FAT1: variants seen among roughly 807,000 people sequenced by gnomAD.
FAT1 encodes FAT atypical cadherin 1, also known as protocadherin Fat 1.
Under a neutral mutation model 329.8 loss-of-function variants are expected in FAT1, and 171 were observed. The ratio of observed to expected loss-of-function variants is 0.52; its 90% CI spans 0.46 to 0.59. FAT1 has a LOEUF of 0.59. FAT1 is among the 20% of genes least tolerant of loss of function. The probability of loss-of-function intolerance (pLI) is 0.00; values close to 1 mark genes in which losing one functional copy is unlikely to be tolerated. For synonymous variants in FAT1, 2,233 were observed against 2,228.6 expected (o/e 1.00, Z -0.06); for missense variants, 5,672 against 5,774.4 (o/e 0.98, Z 0.57).
At chr4:186,719,693 G>A (rs1745377400) in intron 1 of FAT1, among the ~76,000 whole-genome samples, 1 of 152,216 alleles carries the variant, frequency 6.6e-6, no homozygotes, top group Non-Finnish European at 1.5e-5. Flanking sequence ...ATGTATTCGA[G>A]AAATTGAAGG....
rs116009473 is a variant in FAT1, at chr4:186,595,081, T to C, written c.13138+608A>G. ...ACCCTATAGGGAAACCAGATCAACA[T>C]AACTGGTGGCAAAGATCCCACTGTT... is the stretch of plus-strand genomic sequence containing the variant. On this transcript the variant is annotated intron_variant, in intron 26 of 26. Transcript: ENST00000441802. Among the ~76,000 whole-genome samples, 442 of 152,288 alleles carry C rather than the reference T, an allele frequency of 2.9e-3. 4 individuals are homozygous for C. Among genetic ancestry groups the C allele is most frequent in the African/African-American group, 0.01 (419 of 41,560 alleles).
intron 1 of FAT1, among the ~76,000 whole-genome samples, chr4:186,718,253 A>C (rs1304433568): frequency 6.6e-6 from 1 of 152,058 alleles, no homozygotes; most frequent in Non-Finnish European, 1.5e-5. Flanking sequence ...AAGAGATGCC[A>C]CCCACCCTAG....
chr4:186,604,546 A>AG lies in FAT1; in HGVS notation c.10378dup (p.Leu3460ProfsTer8). On this transcript the variant is annotated frameshift_variant, in exon 18 of 27. Coordinates refer to ENST00000441802, the MANE Select transcript of FAT1 (RefSeq NM_005245.4). LOFTEE classifies it high-confidence loss of function. Reference sequence around the variant, plus strand: ...ATCCTCATCTGTTACTACCAGCTGCAGCACGCTGAAGCCCACTGGCTTATT... The same window carrying AG: ...ATCCTCATCTGTTACTACCAGCTGCAGGCACGCTGAAGCCCACTGGCTTATT... 1 of 1,611,078 alleles carries AG rather than the reference A, an allele frequency of 6.2e-7. No individual in the cohort carries two copies. Among genetic ancestry groups the AG allele is most frequent in the Non-Finnish European group, 8.5e-7 (1 of 1,178,928 alleles).
rs201383097 is a variant in FAT1, at chr4:186,629,653, C to T, written c.4324-890G>A. On this transcript the variant is annotated intron_variant, in intron 7 of 26. Transcript: ENST00000441802. ...CCAAGCAGCACAGGGGGCCAGGGTC[C>T]CAGGCAGAGCGGTCAACCACATGGT... Among the ~76,000 whole-genome samples the T allele has an allele frequency of 1.3e-4, 20 of 152,190 alleles. No individual in the cohort carries two copies. The East Asian group carries it at 3.9e-3, about 29-fold the overall frequency.
chr4:186,643,403 A>C (rs1741192267), intron 3 of FAT1, among the ~76,000 whole-genome samples: 1 of 152,188 alleles, frequency 6.6e-6, no homozygotes, highest in South Asian at 2.1e-4. Context: ...TAAATTCACA[A>C]CACTTAGCAA....
rs752263241 is a variant in FAT1 at position 186,609,960 on chromosome 4, T to A, written c.9909A>T (p.Leu3303=). Residue 3303 remains leucine, a synonymous_variant, in exon 15 of 27, where the codon CTA becomes CTT. Coordinates refer to ENST00000441802, the MANE Select transcript of FAT1 (RefSeq NM_005245.4). The part of the protein sequence containing the change: ...LDYESSHEYY[L]TVEATDGGTP... ...TGCCTCCATCAGTGGCCTCTACTGT[T>A]AGGTAATACTCATGAGAGCTCTCAT... The A allele has an allele frequency of 6.8e-6, 11 of 1,613,626 alleles. No homozygotes were observed. In the South Asian group the frequency reaches 1.1e-4, roughly 16 times the overall value.
rs1010116749 is a variant in FAT1 at position 186,611,555 on chromosome 4, AG to A, written c.9683del (p.Pro3228LeufsTer42). The A allele has an allele frequency of 6.2e-7, 1 of 1,613,806 alleles. No individual in the cohort carries two copies. On this transcript the variant is annotated frameshift_variant, in exon 14 of 27. Coordinates refer to ENST00000441802, the MANE Select transcript of FAT1 (RefSeq NM_005245.4). LOFTEE classifies it high-confidence loss of function. Reference protein sequence around the residue: ...VSVLDINDNPPVFEYREYGAT... With the variant: ...VSVLDINDNPXVFEYREYGAT... ...CACCATATTCACGGTACTCAAACACAGGGGGGTTGTCATTTATGTCAAGAAC... is the reference window on the plus strand; with the variant it reads ...CACCATATTCACGGTACTCAAACACAGGGGGTTGTCATTTATGTCAAGAAC...
chr4:186,597,245 A>T (rs2126396953), intron 24 of FAT1, 74 bp from the exon 25 acceptor site: 1 of 1,395,182 alleles, frequency 7.2e-7, no homozygotes, highest in Non-Finnish European at 9.6e-7. Context: ...ATCCTTAGAG[A>T]CTGAAGACTA....
intron 2 of FAT1, among the ~76,000 whole-genome samples, 156 bp downstream of exon 2, chr4:186,706,407 A>G (rs1415728439): frequency 3.3e-5 from 5 of 152,082 alleles, no homozygotes; most frequent in Non-Finnish European, 5.9e-5. Flanking sequence ...CACATCTACA[A>G]TACAGCAGCC....
At chr4:186,722,674 C>G (rs1745514835) in intron 1 of FAT1, among the ~76,000 whole-genome samples, 1 of 152,210 alleles carries the variant, frequency 6.6e-6, no homozygotes, top group Non-Finnish European at 1.5e-5. Context: ...TTACCTAGTT[C>G]TCACACACAG....
At chr4:186,663,132 G>C (rs890305810) in intron 3 of FAT1, among the ~76,000 whole-genome samples, 167 bp downstream of exon 3, 1 of 152,104 alleles carries the variant, frequency 6.6e-6, no homozygotes, top group Non-Finnish European at 1.5e-5. Flanking sequence ...CACTGTGCCC[G>C]GTTATGCTAA....
At chr4:186,714,865 G>C (rs981608985) in intron 1 of FAT1, among the ~76,000 whole-genome samples, 16 of 152,158 alleles carry the variant, frequency 1.1e-4, no homozygotes, top group African/African-American at 3.9e-4. Flanking sequence ...GGATCACGAG[G>C]TCAAGAGACC....
intron 1 of FAT1, among the ~76,000 whole-genome samples, chr4:186,718,623 C>T (rs779293458): frequency 5.3e-5 from 8 of 152,216 alleles, no homozygotes; most frequent in East Asian, 1.9e-4. Flanking sequence ...GCCGAGATTG[C>T]GCCACTGCAC....
chr4:186,627,754 A>C (rs1740384507), intron 9 of FAT1, among the ~76,000 whole-genome samples: 1 of 152,194 alleles, frequency 6.6e-6, no homozygotes, highest in African/African-American at 2.4e-5. Flanking sequence ...GCTCAAGAGA[A>C]AATACTCTCT....
upstream of FAT1, chr4:186,723,938 C>G (rs536806579): frequency 3.0e-4 from 46 of 151,280 alleles, no homozygotes; most frequent in Middle Eastern, 3.4e-3. Context: ...CTCGAGCCCA[C>G]TTTCCCCGGC....
chr4:186,597,329 C>T (rs899252716), intron 24 of FAT1, 158 bp from the exon 25 acceptor site: 36 of 735,244 alleles, frequency 4.9e-5, no homozygotes, highest in Non-Finnish European at 5.1e-5. Context: ...TCGACAACCA[C>T]GAGAAAAGAC....
intron 3 of FAT1, among the ~76,000 whole-genome samples, chr4:186,649,144 C>T (rs1368556566): frequency 6.6e-6 from 1 of 152,080 alleles, no homozygotes; most frequent in Non-Finnish European, 1.5e-5. Flanking sequence ...GAGAGCCCAC[C>T]TGAAGATTCC....
intron 20 of FAT1, among the ~76,000 whole-genome samples, chr4:186,602,121 CA>C (rs1350130405): frequency 6.6e-6 from 1 of 152,052 alleles, no homozygotes; most frequent in African/African-American, 2.4e-5. Context: ...CAGAGAAATG[CA>C]AATTAAAATA....
intron 2 of FAT1, among the ~76,000 whole-genome samples, chr4:186,670,187 T>A (rs1176794886): frequency 6.6e-6 from 1 of 152,196 alleles, no homozygotes; most frequent in African/African-American, 2.4e-5. Flanking sequence ...CTTCTGACTC[T>A]CAGAAATACC....
Sources: allele counts gnomAD v4.1 joint callset (sites outside exome capture counted in the v4.1 genomes callset), GRCh38; gene constraint gnomAD v4.1.1; transcripts MANE v1.5; gene names NCBI Gene and HGNC (gene_info 2026-07-23, HGNC 2026-07-21).